ARPP21: variants seen among roughly 807,000 people sequenced by gnomAD.
ARPP21 encodes cAMP regulated phosphoprotein 21.
A neutral mutation model predicts 113.2 loss-of-function variants in ARPP21; 69 were observed. The ratio of observed to expected loss-of-function variants is 0.61; its 90% CI spans 0.50 to 0.74. ARPP21 has a LOEUF of 0.74. ARPP21 is among the 30% of genes least tolerant of loss of function. ARPP21 has a pLI of 0.00. For missense variants in ARPP21, 1,070 were observed against 1,037.4 expected, an observed-to-expected ratio of 1.03 and a Z score of -0.43; for synonymous variants, 368 against 375.5, an observed-to-expected ratio of 0.98 and a Z score of 0.23.
chr3:35,780,712 CAT>C (rs1217966414), intron 19 of ARPP21, among the ~76,000 whole-genome samples: 1 of 152,068 alleles, frequency 6.6e-6, no homozygotes, highest in East Asian at 1.9e-4. Flanking sequence ...GTCAGAAATG[CAT>C]ATGTTTGAGC....
chr3:35,724,291 C>T (rs1576323174), intron 14 of ARPP21, among the ~76,000 whole-genome samples: 1 of 152,318 alleles, frequency 6.6e-6, no homozygotes, highest in South Asian at 2.1e-4. Flanking sequence ...ACCGAAAGCA[C>T]TTGAATGACA....
Position 35,744,703 on chromosome 3 carries a change from G to A in ARPP21, c.2137+738G>A, listed in dbSNP as rs527936048. On this transcript the variant is annotated intron_variant, in intron 19 of 20. Transcript: ENST00000684406. ...ATTGTCATGCTGAAGACTGCCTGACGGGGAGACTCTGCCTTCTGTAAGTAG... is the reference window on the plus strand; with the variant it reads ...ATTGTCATGCTGAAGACTGCCTGACAGGGAGACTCTGCCTTCTGTAAGTAG... 572 of 290,126 alleles carry A rather than the reference G, an allele frequency of 2.0e-3. 1 individual carries two copies. The highest frequency in any genetic ancestry group is 5.1e-3 in the Admixed American group (94 of 18,504). 18.0% of individuals were successfully genotyped at this position (290,126 alleles called of 1,614,324 possible). A position where few individuals can be genotyped will look rare whatever the true frequency, so the allele number is the denominator to read the frequency against.
At chr3:35,684,022 C>T (rs771839344) in intron 5 of ARPP21, 1 of 1,588,312 alleles carries the variant, frequency 6.3e-7, no homozygotes, top group Non-Finnish European at 8.6e-7. Context: ...TTTTTCCAGA[C>T]TCTCTGAAAA....
At chr3:35,726,991 G>C (rs924377295) in intron 14 of ARPP21, among the ~76,000 whole-genome samples, 4 of 152,190 alleles carry the variant, frequency 2.6e-5, no homozygotes, top group Admixed American at 2.6e-4. Flanking sequence ...TTGGGAATAT[G>C]ACCACAGAGT....
intron 19 of ARPP21, among the ~76,000 whole-genome samples, chr3:35,755,021 C>T (rs569714798): frequency 6.6e-6 from 1 of 152,114 alleles, no homozygotes; most frequent in Admixed American, 6.6e-5. Context: ...TTATTGAAAG[C>T]TCTAGCATTT....
intron 19 of ARPP21, among the ~76,000 whole-genome samples, chr3:35,751,388 AAAATGCATAGTATTGCAAAACCC>A (rs2095398712): frequency 6.6e-6 from 1 of 152,132 alleles, no homozygotes; most frequent in South Asian, 2.1e-4. Flanking sequence ...AGAAATCCTA[AAAATGCATAGTATTGCAAAACCC>A]ATGCAGCTTT....
intron 18 of ARPP21, among the ~76,000 whole-genome samples, chr3:35,741,840 T>C (rs1158696848): frequency 6.6e-6 from 1 of 152,156 alleles, no homozygotes; most frequent in Non-Finnish European, 1.5e-5. Flanking sequence ...TTCCATCCTC[T>C]CTAAGAGAGG....
At chr3:35,723,806 T>C (rs1319625762) in intron 14 of ARPP21, among the ~76,000 whole-genome samples, 1 of 152,220 alleles carries the variant, frequency 6.6e-6, no homozygotes. Flanking sequence ...CAGAATTTTT[T>C]TTCTTTTAAT....
chr3:35,745,897 CA>C (rs1273621081), intron 19 of ARPP21, among the ~76,000 whole-genome samples: 1 of 152,106 alleles, frequency 6.6e-6, no homozygotes, highest in East Asian at 1.9e-4. Context: ...CACATCACCG[CA>C]AAAATGACCC....
intron 19 of ARPP21, among the ~76,000 whole-genome samples, chr3:35,760,842 T>A (rs1180773119): frequency 6.6e-6 from 1 of 151,970 alleles, no homozygotes; most frequent in Non-Finnish European, 1.5e-5. Flanking sequence ...GGCAGGGTGG[T>A]GAATGGGCTT....
chr3:35,782,561 T>C (rs2096547892), intron 19 of ARPP21, among the ~76,000 whole-genome samples: 2 of 152,004 alleles, frequency 1.3e-5, no homozygotes, highest in South Asian at 2.1e-4. Context: ...ATAAAGTAAA[T>C]AGTAGTAGTA....
At chr3:35,737,444 G>C in intron 16 of ARPP21, 82 bp downstream of exon 16, 1 of 921,592 alleles carries the variant, frequency 1.1e-6, no homozygotes, top group East Asian at 2.7e-5. Context: ...GAGAATCAGG[G>C]AGAAGCGTAT....
At chr3:35,717,580 G>T (rs930968843) in intron 13 of ARPP21, among the ~76,000 whole-genome samples, 1 of 151,844 alleles carries the variant, frequency 6.6e-6, no homozygotes, top group Non-Finnish European at 1.5e-5. Context: ...GGGTTCTTCT[G>T]GTTTTCTGCT....
chr3:35,716,836 C>T (rs2092469622), intron 12 of ARPP21, among the ~76,000 whole-genome samples: 2 of 151,884 alleles, frequency 1.3e-5, no homozygotes, highest in Admixed American at 1.3e-4. Context: ...ATATGTATTG[C>T]CTTCTCTTTA....
intron 19 of ARPP21, among the ~76,000 whole-genome samples, chr3:35,766,878 G>A (rs2096000744): frequency 6.6e-6 from 1 of 151,860 alleles, no homozygotes; most frequent in East Asian, 1.9e-4. Context: ...CATATTTTAA[G>A]GTGCAAGGAA....
At chr3:35,712,320 G>A (rs998457592) in intron 11 of ARPP21, among the ~76,000 whole-genome samples, 6 of 152,024 alleles carry the variant, frequency 3.9e-5, no homozygotes, top group Non-Finnish European at 8.8e-5. Context: ...GCTTTCCTTG[G>A]CAATTATTAT....
At chr3:35,718,469 G>A (rs934440031) in intron 13 of ARPP21, among the ~76,000 whole-genome samples, 3 of 152,008 alleles carry the variant, frequency 2.0e-5, no homozygotes, top group Non-Finnish European at 4.4e-5. Context: ...AGTTTGTTTA[G>A]GGTGATATAG....
chr3:35,663,955 G>T (rs1484635485), intron 1 of ARPP21, among the ~76,000 whole-genome samples: 5 of 152,154 alleles, frequency 3.3e-5, no homozygotes, highest in African/African-American at 1.2e-4. Context: ...GTGTAACCGA[G>T]GGTCCTCTTG....
At chr3:35,758,851 T>A (rs2095662726) in intron 19 of ARPP21, among the ~76,000 whole-genome samples, 1 of 151,966 alleles carries the variant, frequency 6.6e-6, no homozygotes, top group South Asian at 2.1e-4. Flanking sequence ...GGAAATTGGG[T>A]TTTAAAAAGT....
Sources: gnomAD v4.1 joint callset for allele counts (sites outside exome capture counted in the v4.1 genomes callset) on GRCh38, gnomAD v4.1.1 for gene constraint, MANE v1.5 for transcripts, NCBI Gene and HGNC (gene_info 2026-07-23, HGNC 2026-07-21) for gene names.